The following QRFP variants were observed in gnomAD, a reference collection of about 807,000 sequenced individuals.
The protein encoded by QRFP is pyroglutamylated RFamide peptide, also known as orexigenic neuropeptide QRFP.
QRFP carries 7 observed loss-of-function variants against 9.1 expected under a neutral mutation model. The observed-to-expected ratio is 0.77, with a 90% confidence interval of 0.44 to 1.45. The LOEUF (loss-of-function observed/expected upper bound fraction) is 1.45, where lower values mean the gene tolerates loss of function less well. Ranked by LOEUF, QRFP falls within the 40% of genes most tolerant of loss-of-function variation. The probability of loss-of-function intolerance (pLI) is 0.01; values close to 1 mark genes in which losing one functional copy is unlikely to be tolerated. For synonymous variants in QRFP, 91 were observed against 80.2 expected, an observed-to-expected ratio of 1.13 and a Z score of -0.72; for missense variants, 204 against 185.4, an observed-to-expected ratio of 1.10 and a Z score of -0.58.
rs531922664 is a variant in QRFP, at chr9:130,895,496, G to T, written c.-1+201C>A. ...CCAGGAAGGGACAGGAAAAGCACGG[G>T]TGAGGCTGGGTCCCAGCCCTGGCAG... On this transcript the variant is annotated intron_variant, in intron 2 of 2. Coordinates refer to ENST00000623824, the MANE Select transcript of QRFP (RefSeq NM_198180.3). Among the ~76,000 whole-genome samples, 5 of 152,358 alleles carry T rather than the reference G, an allele frequency of 3.3e-5. No homozygotes were observed. In the East Asian group the frequency reaches 9.7e-4, roughly 29 times the overall value.
In QRFP at chr9:130,895,688, T is replaced by G. The variant is rs994128508; in HGVS notation, c.-1+9A>C. 11 of 153,052 alleles carry G rather than the reference T, an allele frequency of 7.2e-5. No individual in the cohort carries two copies. The highest frequency in any genetic ancestry group is 2.2e-4 in the African/African-American group (9 of 41,476). The allele number at this position is 153,052 out of a possible 1,614,324, so 9.5% of individuals were successfully genotyped here. A position where few individuals can be genotyped will look rare whatever the true frequency, so the allele number is the denominator to read the frequency against. The stretch of plus-strand genomic sequence containing the variant: ...GGGTTCCTGCTGGGGACAGGGCAGC[T>G]ATGCTCACCGTGTGGCTGGGACTGC... On this transcript the variant is annotated intron_variant, in intron 2 of 2. Transcript: ENST00000623824.
intron 2 of QRFP, 40 bp from the exon 3 acceptor site, chr9:130,893,878 A>T: frequency 6.8e-7 from 1 of 1,479,158 alleles, no homozygotes; most frequent in East Asian, 2.4e-5. Context: ...CAGGCTGCAC[A>T]CGTGGCCAAG....
At position 130,893,388 on chromosome 9, in the gene QRFP, T is replaced by C. The variant is rs762651991; in HGVS notation, c.*40A>G. 3.0e-5 allele frequency: 45 copies of C among 1,523,222 alleles called. No individual in the cohort carries two copies. The highest frequency in any genetic ancestry group is 3.9e-5 in the Non-Finnish European group (44 of 1,132,622). 94.4% of individuals were successfully genotyped at this position (1,523,222 alleles called of 1,614,324 possible). A position where few individuals can be genotyped will look rare whatever the true frequency, so the allele number is the denominator to read the frequency against. On this transcript the variant is annotated 3_prime_UTR_variant, in exon 3 of 3. Coordinates refer to ENST00000623824, the MANE Select transcript of QRFP (RefSeq NM_198180.3). The stretch of plus-strand genomic sequence containing the variant: ...AAGGCAGGAGTGAAGACAATGGGGG[T>C]GAGTCCAAGAAGCAAATCCTTCCAA...
chr9:130,893,784 A>G lies in QRFP; in HGVS notation c.55T>C (p.Phe19Leu), dbSNP rs1831721698. 2 of 1,564,048 alleles carry G rather than the reference A, an allele frequency of 1.3e-6. No individual in the cohort carries two copies. The highest frequency in any genetic ancestry group is 1.4e-5 in the African/African-American group (1 of 72,594). ...GGCTCTCTTCTGTCCAGTAGAGGGA[A>G]GCAGGCGCCCAGCGGCAGGAAGAGG... is the stretch of plus-strand genomic sequence containing the variant. ...YFLFLPLGAC[F>L]PLLDRREPTD... Residue 19 changes from phenylalanine (F) to leucine (L), a missense_variant, in exon 3 of 3, where the codon TTC (phenylalanine) becomes CTC (leucine). Coordinates refer to ENST00000623824, the MANE Select transcript of QRFP (RefSeq NM_198180.3).
At chr9:130,893,890 G>A (rs749324886) in intron 2 of QRFP, 52 bp from the exon 3 acceptor site, 17 of 1,463,918 alleles carry the variant, frequency 1.2e-5, no homozygotes, top group South Asian at 3.1e-5. Flanking sequence ...GTGGCCAAGC[G>A]CAACTCACCA....
intron 1 of QRFP, 38 bp from the exon 2 acceptor site, chr9:130,896,019 T>G (rs920012061): frequency 6.6e-6 from 1 of 152,102 alleles, no homozygotes; most frequent in Non-Finnish European, 1.5e-5. Flanking sequence ...AACTGCAAAT[T>G]GCGGGCACAG....
chr9:130,893,817 T>G lies in QRFP; in HGVS notation c.22A>C (p.Ile8Leu). 6.5e-7 allele frequency: 1 copy of G among 1,547,438 alleles called. No homozygotes were observed. The highest frequency in any genetic ancestry group is 8.7e-7 in the Non-Finnish European group (1 of 1,147,224). ...CCCAGCGGCAGGAAGAGGAAGTAGA[T>G]CAGGGGGTAAGGCCTTACCATCTGA... Reference protein sequence around the residue: MVRPYPLIYFLFLPLGAC... With the variant: MVRPYPLLYFLFLPLGAC... Residue 8 changes from isoleucine to leucine, a missense_variant, in exon 3 of 3, where the codon ATC becomes CTC. Transcript: ENST00000623824.
rs2133050796 is a variant in QRFP, at chr9:130,893,538, G to T, written c.301C>A (p.Leu101Ile). 6.2e-7 allele frequency: 1 copy of T among 1,612,732 alleles called. No homozygotes were observed. Among genetic ancestry groups the T allele is most frequent in the Middle Eastern group, 1.6e-4 (1 of 6,062 alleles). The change falls in exon 3 of 3, where the codon CTC becomes ATC. Residue 101 changes from leucine (L) to isoleucine (I), a missense_variant. By Grantham distance (5) the Leu-to-Ile change is conservative. Coordinates refer to ENST00000623824, the MANE Select transcript of QRFP (RefSeq NM_198180.3). ...CTGGTCTTCTCCCCCGCAGCAGGGA[G>T]GAAGCCGGTGGCCTCACTGCCTTCG... ...QDEGSEATGFLPAAGEKTSGP... is the reference protein window; with the variant it reads ...QDEGSEATGFIPAAGEKTSGP...
intron 2 of QRFP, among the ~76,000 whole-genome samples, chr9:130,894,738 G>T (rs111503937): frequency 1.2e-3 from 179 of 152,214 alleles, no homozygotes; most frequent in Middle Eastern, 3.4e-3. Flanking sequence ...TCAATCCCAG[G>T]TCTAACTGGG....
chr9:130,895,809 T>C lies in QRFP; in HGVS notation c.-113A>G, dbSNP rs1831749352. On this transcript the variant is annotated 5_prime_UTR_variant, in exon 2 of 3. Transcript: ENST00000623824. ...TCCAGGAGGCATGGCCCCTGGGCTC[T>C]CCCTGCTTTATATGGCCCGCGGTGC... The C allele has an allele frequency of 1.3e-5, 2 of 152,418 alleles. No homozygotes were observed. The highest frequency in any genetic ancestry group is 1.3e-4 in the Admixed American group (2 of 15,292). The allele number at this position is 152,418 out of a possible 1,614,324, so 9.4% of individuals were successfully genotyped here. A position where few individuals can be genotyped will look rare whatever the true frequency, so the allele number is the denominator to read the frequency against.
At chr9:130,896,432 C>T (rs1269852097) in intron 1 of QRFP, 145 bp downstream of exon 1, 1 of 152,364 alleles carries the variant, frequency 6.6e-6, no homozygotes, top group Non-Finnish European at 1.5e-5. Context: ...AGCAGGAGGA[C>T]CCAGCCTCTG....
In QRFP at chr9:130,893,519, T is replaced by G. The variant is rs756513347; in HGVS notation, c.320A>C (p.Lys107Thr). 4 of 1,612,010 alleles carry G rather than the reference T, an allele frequency of 2.5e-6. No homozygotes were observed. In the East Asian group the frequency reaches 6.7e-5, roughly 27 times the overall value. Residue 107 changes from lysine to threonine, a missense_variant, in exon 3 of 3, where the codon AAG becomes ACG. Physicochemically the swap from Lys to Thr is moderately conservative, Grantham distance 78. Transcript: ENST00000623824. ...ATGFLPAAGE[K>T]TSGPLGNLAE... is the part of the protein sequence containing the mutation. ...CAGGTTCCCTAACGGGCCGCTGGTC[T>G]TCTCCCCCGCAGCAGGGAGGAAGCC...
At position 130,893,340 on chromosome 9, in the gene QRFP, C is replaced by T. The variant is rs7029748; in HGVS notation, c.*88G>A. ...AACCAAGCCTACATCATCTGGGTGT[C>T]GTGGTCTTTGAGACTGGGGGAGAAG... On this transcript the variant is annotated 3_prime_UTR_variant, in exon 3 of 3. Coordinates refer to ENST00000623824, the MANE Select transcript of QRFP (RefSeq NM_198180.3). 7.5e-6 allele frequency: 10 copies of T among 1,334,812 alleles called. No individual in the cohort carries two copies. The highest frequency in any genetic ancestry group is 4.6e-5 in the Admixed American group (2 of 43,840). The allele number at this position is 1,334,812 out of a possible 1,614,324, so 82.7% of individuals were successfully genotyped here. A position where few individuals can be genotyped will look rare whatever the true frequency, so the allele number is the denominator to read the frequency against.
At chr9:130,893,892 A>G in intron 2 of QRFP, 54 bp from the exon 3 acceptor site, 2 of 1,463,782 alleles carry the variant, frequency 1.4e-6, no homozygotes, top group Middle Eastern at 3.7e-4. Flanking sequence ...GGCCAAGCGC[A>G]ACTCACCAAA....
rs375877277 is a variant in QRFP, at chr9:130,893,246, C to T, written c.*182G>A. 2.2e-5 allele frequency: 13 copies of T among 582,982 alleles called. No individual in the cohort carries two copies. Among genetic ancestry groups the T allele is most frequent in the Admixed American group, 3.6e-5 (1 of 27,416 alleles). 36.1% of individuals were successfully genotyped at this position (582,982 alleles called of 1,614,324 possible). A position where few individuals can be genotyped will look rare whatever the true frequency, so the allele number is the denominator to read the frequency against. On this transcript the variant is annotated 3_prime_UTR_variant, in exon 3 of 3. Transcript: ENST00000623824. ...TCCTTTTTGACACTGCCTAGTTTTT[C>T]GCTTCAGCAAAGTTGGAAATCAAAA...
At chr9:130,895,362 T>G (rs1354691822) in intron 2 of QRFP, among the ~76,000 whole-genome samples, 1 of 152,180 alleles carries the variant, frequency 6.6e-6, no homozygotes, top group Non-Finnish European at 1.5e-5. Context: ...GGAGTGGCCC[T>G]TCACCCCTTT....
In QRFP at chr9:130,893,522, T is replaced by C. The variant is rs1831715062; in HGVS notation, c.317A>G (p.Glu106Gly). ...EATGFLPAAG[E>G]KTSGPLGNLA... ...GTTCCCTAACGGGCCGCTGGTCTTC[T>C]CCCCCGCAGCAGGGAGGAAGCCGGT... Residue 106 changes from glutamate (E) to glycine (G), a missense_variant, in exon 3 of 3, where the codon GAG (glutamate) becomes GGG (glycine). Physicochemically the swap from Glu to Gly is moderately conservative, Grantham distance 98. Transcript: ENST00000623824. 1.2e-6 allele frequency: 2 copies of C among 1,612,090 alleles called. No individual in the cohort carries two copies. The highest frequency in any genetic ancestry group is 1.3e-5 in the African/African-American group (1 of 74,960).
chr9:130,894,317 C>T (rs1831728727), intron 2 of QRFP, among the ~76,000 whole-genome samples: 1 of 152,168 alleles, frequency 6.6e-6, no homozygotes, highest in South Asian at 2.1e-4. Flanking sequence ...ACGAGTTGCT[C>T]CTGAAAGCCA....
Position 130,893,332 on chromosome 9 carries a change from C to T in QRFP, c.*96G>A. 2 of 1,273,870 alleles carry T rather than the reference C, an allele frequency of 1.6e-6. No individual in the cohort carries two copies. Among genetic ancestry groups the T allele is most frequent in the Non-Finnish European group, 2.2e-6 (2 of 918,568 alleles). 78.9% of individuals were successfully genotyped at this position (1,273,870 alleles called of 1,614,324 possible). On this transcript the variant is annotated 3_prime_UTR_variant, in exon 3 of 3. Coordinates refer to ENST00000623824, the MANE Select transcript of QRFP (RefSeq NM_198180.3). ...TTCATCGTAACCAAGCCTACATCAT[C>T]TGGGTGTCGTGGTCTTTGAGACTGG...
Sources: allele counts gnomAD v4.1 joint callset (sites outside exome capture counted in the v4.1 genomes callset), GRCh38; gene constraint gnomAD v4.1.1; transcripts MANE v1.5; gene names NCBI Gene and HGNC (gene_info 2026-07-23, HGNC 2026-07-21).